Variants in CATSPERB observed in about 807,000 individuals in gnomAD.
The protein encoded by CATSPERB is cation channel sperm-associated auxiliary subunit beta.
Under a neutral mutation model 128.3 loss-of-function variants are expected in CATSPERB, and 93 were observed. The ratio of observed to expected loss-of-function variants is 0.72; its 90% CI spans 0.61 to 0.86. The LOEUF (loss-of-function observed/expected upper bound fraction) is 0.86. Among genes scored for constraint, CATSPERB ranks in the 40% least tolerant of loss-of-function variants. CATSPERB has a pLI of 0.00. For synonymous variants in CATSPERB, 381 were observed against 448.8 expected (o/e 0.85, Z 1.91); for missense variants, 1,153 against 1,329.5 (o/e 0.87, Z 2.06).
chr14:91,705,954 A>T (rs1271916384), intron 6 of CATSPERB, among the ~76,000 whole-genome samples: 4 of 152,166 alleles, frequency 2.6e-5, no homozygotes, highest in South Asian at 2.1e-4. Flanking sequence ...TTTCTTTTAG[A>T]AAAAAATGAG....
rs550867012 is a variant in CATSPERB at position 91,608,511 on chromosome 14, GC to G, written c.2599-108del. ...AATCAAGGCAAAAATTCAATTTTTA[GC>G]TACAGGTATTAAAGTAAATTTATCT... On this transcript the variant is annotated intron_variant, in intron 21 of 26. Coordinates refer to ENST00000256343, the MANE Select transcript of CATSPERB (RefSeq NM_024764.4). 377 of 702,570 alleles carry G rather than the reference GC, an allele frequency of 5.4e-4. 1 individual carries two copies. The African/African-American group carries it at 6.3e-3, about 12-fold the overall frequency. 43.5% of individuals were successfully genotyped at this position (702,570 alleles called of 1,614,324 possible).
chr14:91,729,562 G>GTTGT, intron 1 of CATSPERB, 83 bp from the exon 2 acceptor site: 1 of 651,290 alleles, frequency 1.5e-6, no homozygotes, highest in Non-Finnish European at 2.6e-6. Flanking sequence ...CTACAAAGTA[G>GTTGT]TAAAGAAATA....
chr14:91,676,588 A>G (rs189107156), intron 11 of CATSPERB, among the ~76,000 whole-genome samples: 99 of 151,864 alleles, frequency 6.5e-4, no homozygotes, highest in African/African-American at 2.3e-3. Context: ...TGGTGCTAAG[A>G]CTCATTATTT....
At chr14:91,658,042 C>G (rs981060315) in intron 15 of CATSPERB, among the ~76,000 whole-genome samples, 1 of 151,948 alleles carries the variant, frequency 6.6e-6, no homozygotes, top group African/African-American at 2.4e-5. Context: ...GGATATACCC[C>G]CCAAAAAAGA....
At position 91,707,448 on chromosome 14, in the gene CATSPERB, CA is replaced by C. The variant is rs904988204; in HGVS notation, c.466+692del. 1.4e-4 allele frequency among the ~76,000 whole-genome samples: 21 copies of C among 150,122 alleles called. No individual in the cohort carries two copies. In the South Asian group the frequency reaches 1.9e-3, roughly 14 times the overall value. ...GCAATTACTATTGAATAATTAGTAA[CA>C]TTTTTTTTTTAATTTGGAAGCTACC... On this transcript the variant is annotated intron_variant, in intron 6 of 26. Coordinates refer to ENST00000256343, the MANE Select transcript of CATSPERB (RefSeq NM_024764.4).
At chr14:91,608,891 C>T (rs941844) in intron 21 of CATSPERB, among the ~76,000 whole-genome samples, 101,129 of 152,004 alleles carry the variant, frequency 0.67, 34,449 homozygotes, top group Admixed American at 0.76. Context: ...AGACCTCCTG[C>T]ACAGTCAAAA....
chr14:91,588,096 A>T lies in CATSPERB; in HGVS notation c.2957-18T>A. 2 of 1,473,100 alleles carry T rather than the reference A, an allele frequency of 1.4e-6. No homozygotes were observed. Among genetic ancestry groups the T allele is most frequent in the Non-Finnish European group, 1.9e-6 (2 of 1,060,602 alleles). 91.3% of individuals were successfully genotyped at this position (1,473,100 alleles called of 1,614,324 possible). A position where few individuals can be genotyped will look rare whatever the true frequency, so the allele number is the denominator to read the frequency against. On this transcript the variant is annotated intron_variant, in intron 24 of 26. Transcript: ENST00000256343. ...AGTGTGTTCTAAAAATACATAAAAC[A>T]TATTTTAAGCACACTTATTTTTCTC...
intron 13 of CATSPERB, among the ~76,000 whole-genome samples, chr14:91,670,308 C>G (rs963189729): frequency 3.9e-5 from 6 of 152,174 alleles, no homozygotes; most frequent in Non-Finnish European, 8.8e-5. Context: ...AGTGTGGATG[C>G]CTAAGCCACA....
chr14:91,609,975 C>T (rs1324263114), intron 21 of CATSPERB, among the ~76,000 whole-genome samples: 1 of 152,200 alleles, frequency 6.6e-6, no homozygotes, highest in Admixed American at 6.5e-5. Context: ...CCCGCCTTGA[C>T]CTCCCAAAGT....
chr14:91,584,400 A>G (rs546931561), intron 26 of CATSPERB, among the ~76,000 whole-genome samples: 1 of 152,298 alleles, frequency 6.6e-6, no homozygotes, highest in African/African-American at 2.4e-5. Context: ...GCAGGTTCCG[A>G]CAGTCCCAAG....
chr14:91,717,750 C>T (rs2139776293), intron 5 of CATSPERB, among the ~76,000 whole-genome samples: 1 of 152,272 alleles, frequency 6.6e-6, no homozygotes, highest in African/African-American at 2.4e-5. Context: ...TTTACATATA[C>T]TCATAATACT....
chr14:91,654,670 G>A (rs564783757), intron 15 of CATSPERB, among the ~76,000 whole-genome samples: 2 of 152,288 alleles, frequency 1.3e-5, no homozygotes, highest in East Asian at 3.9e-4. Flanking sequence ...CTGGGGCTGG[G>A]GGCAACTCAC....
intron 15 of CATSPERB, among the ~76,000 whole-genome samples, chr14:91,651,333 A>T (rs1236225244): frequency 1.3e-5 from 2 of 152,172 alleles, no homozygotes; most frequent in African/African-American, 4.8e-5. Context: ...ACTGGGCTTT[A>T]GTAATGCCAT....
chr14:91,683,524 G>C (rs530515287), intron 11 of CATSPERB, among the ~76,000 whole-genome samples: 6 of 151,986 alleles, frequency 3.9e-5, no homozygotes, highest in African/African-American at 1.4e-4. Flanking sequence ...CTAATTATGC[G>C]ATTGCTTAGA....
In CATSPERB at chr14:91,617,665, C is replaced by T. The variant is rs1278211862; in HGVS notation, c.2332G>A (p.Glu778Lys). ...CTGTCAGTATCATCAAAAGTCACTTCAGCTGTAACTTCCAACAAATTAGGG... is the reference window on the plus strand; with the variant it reads ...CTGTCAGTATCATCAAAAGTCACTTTAGCTGTAACTTCCAACAAATTAGGG... ...GNPNLLEVTAEVTFDDTDSYV... is the reference protein window; with the variant it reads ...GNPNLLEVTAKVTFDDTDSYV... The change falls in exon 20 of 27, where the codon GAA becomes AAA. Residue 778 changes from glutamate (E) to lysine (K), a missense_variant. Physicochemically the swap from Glu to Lys is moderately conservative, Grantham distance 56. Transcript: ENST00000256343. 2 of 1,600,220 alleles carry T rather than the reference C, an allele frequency of 1.2e-6. No individual in the cohort carries two copies. The highest frequency in any genetic ancestry group is 1.7e-6 in the Non-Finnish European group (2 of 1,174,788).
At chr14:91,684,047 A>C in intron 10 of CATSPERB, 104 bp from the exon 11 acceptor site, 2 of 694,764 alleles carry the variant, frequency 2.9e-6, no homozygotes, top group Non-Finnish European at 4.6e-6. Flanking sequence ...ATAGTTCAGG[A>C]ATGTGAGGCA....
At chr14:91,731,568 A>G (rs554375374) in intron 1 of CATSPERB, among the ~76,000 whole-genome samples, 1 of 152,340 alleles carries the variant, frequency 6.6e-6, no homozygotes, top group Admixed American at 6.5e-5. Flanking sequence ...AACATCTAAC[A>G]TATTCTATAC....
At chr14:91,609,304 C>G (rs989536507) in intron 21 of CATSPERB, among the ~76,000 whole-genome samples, 1 of 151,928 alleles carries the variant, frequency 6.6e-6, no homozygotes, top group Non-Finnish European at 1.5e-5. Flanking sequence ...CAGTATTACA[C>G]GATGAAAAGT....
rs561553881 is a variant in CATSPERB, at chr14:91,639,568, C to A, written c.1433-318G>T. On this transcript the variant is annotated intron_variant, in intron 15 of 26. Coordinates refer to ENST00000256343, the MANE Select transcript of CATSPERB (RefSeq NM_024764.4). The stretch of plus-strand genomic sequence containing the variant: ...CTTCCTATTACCAGCAAATCAGATT[C>A]CTGAAGAGGTAAAAGTCAGCAAGAA... Among the ~76,000 whole-genome samples the A allele has an allele frequency of 7.9e-4, 120 of 152,150 alleles. 1 individual carries two copies. The South Asian group carries it at 0.014, about 17-fold the overall frequency.
Sources: allele counts gnomAD v4.1 joint callset (sites outside exome capture counted in the v4.1 genomes callset), GRCh38; gene constraint gnomAD v4.1.1; transcripts MANE v1.5; gene names NCBI Gene and HGNC (gene_info 2026-07-23, HGNC 2026-07-21).